ADGRL3: variants seen among roughly 807,000 people sequenced by gnomAD.
ADGRL3 encodes adhesion G protein-coupled receptor L3.
Under a neutral mutation model 153.5 loss-of-function variants are expected in ADGRL3, and 62 were observed. That is an observed-to-expected ratio of 0.40 (90% confidence interval 0.33 to 0.50). ADGRL3 has a LOEUF of 0.50. Among genes scored for constraint, ADGRL3 ranks in the 20% least tolerant of loss-of-function variants. ADGRL3 has a pLI of 0.47. For missense variants in ADGRL3, 1,641 were observed against 1,859.4 expected, an observed-to-expected ratio of 0.88 and a Z score of 2.16; for synonymous variants, 710 against 672.5, an observed-to-expected ratio of 1.06 and a Z score of -0.86.
rs139802140 is a variant in ADGRL3 at position 61,265,151 on chromosome 4, C to T, written c.-240+63386C>T. On this transcript the variant is annotated intron_variant, in intron 1 of 26. Coordinates refer to ENST00000683033, the MANE Select transcript of ADGRL3 (RefSeq NM_001387552.1). ...TATCTTTGTATACAGAATCTTTGGGCTGATTTTCGTTAATTGTATCAACTT... is the reference window on the plus strand; with the variant it reads ...TATCTTTGTATACAGAATCTTTGGGTTGATTTTCGTTAATTGTATCAACTT... 7.2e-3 allele frequency among the ~76,000 whole-genome samples: 1,094 copies of T among 151,888 alleles called. 7 individuals carry two copies. Among genetic ancestry groups the T allele is most frequent in the Middle Eastern group, 0.031 (9 of 294 alleles).
intron 5 of ADGRL3, among the ~76,000 whole-genome samples, chr4:61,602,037 A>G (rs1332645073): frequency 6.6e-6 from 1 of 151,634 alleles, no homozygotes; most frequent in African/African-American, 2.4e-5. Context: ...TTTAAGATAA[A>G]TAATAAATAA....
intron 1 of ADGRL3, among the ~76,000 whole-genome samples, chr4:61,318,831 T>G (rs1007545409): frequency 1.3e-5 from 2 of 152,232 alleles, no homozygotes; most frequent in African/African-American, 4.8e-5. Flanking sequence ...TTAGCAAATT[T>G]AATATTCCAG....
chr4:61,801,896 G>T (rs1347924132), intron 8 of ADGRL3, among the ~76,000 whole-genome samples: 2 of 152,052 alleles, frequency 1.3e-5, no homozygotes, highest in African/African-American at 2.4e-5. Context: ...CTGCATATAT[G>T]TAAAATATAT....
intron 4 of ADGRL3, among the ~76,000 whole-genome samples, chr4:61,539,543 A>G (rs2098678058): frequency 6.6e-6 from 1 of 152,134 alleles, no homozygotes; most frequent in Non-Finnish European, 1.5e-5. Context: ...GTAGGGGATC[A>G]GGTGATGTGG....
chr4:61,569,751 G>A (rs141761933), intron 4 of ADGRL3, among the ~76,000 whole-genome samples: 1 of 152,148 alleles, frequency 6.6e-6, no homozygotes, highest in Non-Finnish European at 1.5e-5. Context: ...ACATATATCT[G>A]TACTTCAATC....
At chr4:61,449,537 A>C (rs2097649367) in intron 2 of ADGRL3, among the ~76,000 whole-genome samples, 1 of 152,090 alleles carries the variant, frequency 6.6e-6, no homozygotes, top group Admixed American at 6.6e-5. Context: ...AATTGTGTCT[A>C]CCTATTTATT....
intron 2 of ADGRL3, among the ~76,000 whole-genome samples, chr4:61,418,313 A>G (rs1424922337): frequency 6.6e-6 from 1 of 152,232 alleles, no homozygotes; most frequent in African/African-American, 2.4e-5. Flanking sequence ...AGTTCTGTTA[A>G]GGGAGAAGTA....
At chr4:61,380,596 T>C (rs1382838383) in intron 1 of ADGRL3, among the ~76,000 whole-genome samples, 2 of 152,018 alleles carry the variant, frequency 1.3e-5, no homozygotes, top group Non-Finnish European at 2.9e-5. Flanking sequence ...AATCTAGTAC[T>C]CAAACTCAAA....
At position 61,654,175 on chromosome 4, in the gene ADGRL3, T is replaced by G. The variant is rs117601201; in HGVS notation, c.474-22651T>G. On this transcript the variant is annotated intron_variant, in intron 5 of 26. Coordinates refer to ENST00000683033, the MANE Select transcript of ADGRL3 (RefSeq NM_001387552.1). ...TCTCATATTATGTACCTACTGGTAG[T>G]TAGTTAATTCAGAAATTTGAAACTT... Among the ~76,000 whole-genome samples, 36 of 152,308 alleles carry G rather than the reference T, an allele frequency of 2.4e-4. No homozygotes were observed. In the East Asian group the frequency reaches 5.6e-3, roughly 24 times the overall value.
chr4:61,218,984 T>C (rs1033748948), intron 1 of ADGRL3, among the ~76,000 whole-genome samples: 1 of 152,210 alleles, frequency 6.6e-6, no homozygotes, highest in Admixed American at 6.5e-5. Context: ...GGCTGCTCTA[T>C]GTAGACATAA....
chr4:61,916,350 A>G (rs937105666), intron 13 of ADGRL3, among the ~76,000 whole-genome samples: 7 of 152,166 alleles, frequency 4.6e-5, no homozygotes, highest in African/African-American at 1.4e-4. Context: ...TTACTTCCAT[A>G]TCTTAGACAC....
At chr4:61,226,125 A>C (rs1236433221) in intron 1 of ADGRL3, among the ~76,000 whole-genome samples, 3 of 151,528 alleles carry the variant, frequency 2.0e-5, no homozygotes, top group African/African-American at 4.9e-5. Context: ...TTAATTCTCT[A>C]TTGTTTTTTT....
Position 61,306,915 on chromosome 4 carries a change from CT to C in ADGRL3, c.-239-76208del, listed in dbSNP as rs1203576485. On this transcript the variant is annotated intron_variant, in intron 1 of 26. Transcript: ENST00000683033. Reference sequence around the variant, plus strand: ...CTTTACACCAAATGAAGCCCAAGGGCTACAGCTACCATTGGCAATCTCCTGC... The same window carrying C: ...CTTTACACCAAATGAAGCCCAAGGGCACAGCTACCATTGGCAATCTCCTGC... Among the ~76,000 whole-genome samples, 3 of 152,264 alleles carry C rather than the reference CT, an allele frequency of 2.0e-5. No individual in the cohort carries two copies. In the East Asian group the frequency reaches 5.8e-4, roughly 29 times the overall value.
intron 4 of ADGRL3, among the ~76,000 whole-genome samples, chr4:61,559,998 A>G (rs2098787796): frequency 6.6e-6 from 1 of 152,018 alleles, no homozygotes; most frequent in East Asian, 1.9e-4. Context: ...CCACATATTC[A>G]CATGAAAAAG....
chr4:61,583,701 A>C (rs1490965957), intron 4 of ADGRL3: 1 of 518,616 alleles, frequency 1.9e-6, no homozygotes, highest in South Asian at 1.4e-5. Context: ...GTCAGTGAGT[A>C]GTTCCAAAGT....
intron 21 of ADGRL3, among the ~76,000 whole-genome samples, chr4:62,015,395 T>A (rs2099206874): frequency 1.3e-5 from 2 of 152,342 alleles, no homozygotes; most frequent in Non-Finnish European, 2.9e-5. Context: ...TCTAAGGCTA[T>A]AATTTAAAAC....
chr4:61,892,896 T>A lies in ADGRL3; in HGVS notation c.1721T>A (p.Ile574Asn), dbSNP rs1157135347. Residue 574 changes from isoleucine (I) to asparagine (N), a missense_variant, in exon 10 of 27, where the codon ATC becomes AAC. Coordinates refer to ENST00000683033, the MANE Select transcript of ADGRL3 (RefSeq NM_001387552.1). ...ESCEAVEARE[I>N]MWFKTRQGQI... is the part of the protein sequence containing the mutation. ...TGTGAGGCTGTGGAAGCCCGAGAAATCATGTGGTTTAAGACTCGTCAAGGA... is the reference window on the plus strand; with the variant it reads ...TGTGAGGCTGTGGAAGCCCGAGAAAACATGTGGTTTAAGACTCGTCAAGGA... The A allele has an allele frequency of 6.3e-7, 1 of 1,586,792 alleles. No individual in the cohort carries two copies. The highest frequency in any genetic ancestry group is 8.5e-7 in the Non-Finnish European group (1 of 1,170,406).
intron 9 of ADGRL3, among the ~76,000 whole-genome samples, chr4:61,815,387 A>T (rs562280713): frequency 1.4e-4 from 21 of 152,202 alleles, no homozygotes; most frequent in Non-Finnish European, 2.9e-4. Flanking sequence ...TATGAGAAAC[A>T]TATTTCTGGT....
chr4:61,830,572 C>G (rs187866803), intron 9 of ADGRL3, among the ~76,000 whole-genome samples: 29 of 152,208 alleles, frequency 1.9e-4, no homozygotes, highest in African/African-American at 7.0e-4. Flanking sequence ...GATGTCTAGC[C>G]TATTTTCTAA....
Sources: gnomAD v4.1 joint callset for allele counts (sites outside exome capture counted in the v4.1 genomes callset) on GRCh38, gnomAD v4.1.1 for gene constraint, MANE v1.5 for transcripts, NCBI Gene and HGNC (gene_info 2026-07-23, HGNC 2026-07-21) for gene names.